CSMD2: variants seen among roughly 807,000 people sequenced by gnomAD.
CSMD2 encodes the protein CUB and Sushi multiple domains 2, also known as CUB and sushi domain-containing protein 2.
CSMD2 carries 130 observed loss-of-function variants against 398.5 expected under a neutral mutation model. The ratio of observed to expected loss-of-function variants is 0.33; its 90% CI spans 0.28 to 0.38. CSMD2 has a LOEUF of 0.38. Ranked by LOEUF, CSMD2 falls within the 10% of genes least tolerant of loss-of-function variation. The probability of loss-of-function intolerance (pLI) is 1.00; values close to 1 mark genes in which losing one functional copy is unlikely to be tolerated. For synonymous variants in CSMD2, 1,828 were observed against 1,908.5 expected, an observed-to-expected ratio of 0.96 and a Z score of 1.10; for missense variants, 3,829 against 4,764.9, an observed-to-expected ratio of 0.80 and a Z score of 5.78.
intron 27 of CSMD2, among the ~76,000 whole-genome samples, chr1:33,655,742 C>T (rs1256402157): frequency 6.6e-6 from 1 of 152,226 alleles, no homozygotes; most frequent in Non-Finnish European, 1.5e-5. Flanking sequence ...GCCCAGGGAG[C>T]TGGAAATCAG....
At chr1:34,132,836 G>C (rs1663504278) in intron 1 of CSMD2, among the ~76,000 whole-genome samples, 1 of 152,170 alleles carries the variant, frequency 6.6e-6, no homozygotes, top group African/African-American at 2.4e-5. Context: ...GACTCAGACT[G>C]AATTACACCA....
At chr1:33,984,812 A>G (rs1373627319) in intron 3 of CSMD2, among the ~76,000 whole-genome samples, 5 of 149,670 alleles carry the variant, frequency 3.3e-5, no homozygotes, top group African/African-American at 1.2e-4. Flanking sequence ...GGAAAGGGAG[A>G]AGGGAGGGAG....
chr1:33,985,985 C>A (rs1482837119), intron 3 of CSMD2, among the ~76,000 whole-genome samples: 1 of 152,102 alleles, frequency 6.6e-6, no homozygotes, highest in African/African-American at 2.4e-5. Flanking sequence ...TCAGTTAGCA[C>A]CCTGGATGGA....
In CSMD2 at chr1:33,572,513, CTG is replaced by C. The variant is rs1659688571; in HGVS notation, c.7753_7754del (p.Gln2585ValfsTer8). 6.2e-7 allele frequency: 1 copy of C among 1,600,792 alleles called. No homozygotes were observed. Among genetic ancestry groups the C allele is most frequent in the Non-Finnish European group, 8.5e-7 (1 of 1,171,134 alleles). ...GLWSNRNVPP[Q>X]CVPVTCPDVS... ...CATTGCCCGAGGACTCACGGACACA[CTG>C]TGGTGGGACATTGCGGTTGCTCCAT... On this transcript the variant is annotated frameshift_variant, in exon 50 of 71. Coordinates refer to ENST00000373381, the MANE Select transcript of CSMD2 (RefSeq NM_001281956.2). LOFTEE classifies it high-confidence loss of function.
Position 33,796,343 on chromosome 1 carries a change from G to T in CSMD2, c.1447-3817C>A, listed in dbSNP as rs138006378. Among the ~76,000 whole-genome samples, 268 of 152,312 alleles carry T rather than the reference G, an allele frequency of 1.8e-3. 1 individual carries two copies. The highest frequency in any genetic ancestry group is 4.8e-3 in the South Asian group (23 of 4,826). ...GAATGGAGGGACCAGCTGGAGCTGT[G>T]GCAGAGGAGCATAAATTGTGAAGAT... On this transcript the variant is annotated intron_variant, in intron 10 of 70. Transcript: ENST00000373381.
intron 27 of CSMD2, among the ~76,000 whole-genome samples, chr1:33,655,758 T>C (rs977314631): frequency 1.3e-5 from 2 of 152,220 alleles, no homozygotes. Context: ...ATCAGAAGCA[T>C]GTCACTGGGA....
In CSMD2 at chr1:33,636,625, T is replaced by C; in HGVS notation, c.4775-71A>G. On this transcript the variant is annotated intron_variant, in intron 29 of 70. Coordinates refer to ENST00000373381, the MANE Select transcript of CSMD2 (RefSeq NM_001281956.2). This position sits in a 1 kb window ranked among gnomAD's most constrained non-coding sequence, Gnocchi z 4.8. ...TGAGGAGGCTATTCTTGGGCTCCAG[T>C]GCCCATGAGGAGAACCCGACTTTAA... 1 of 1,348,382 alleles carries C rather than the reference T, an allele frequency of 7.4e-7. No individual in the cohort carries two copies. The highest frequency in any genetic ancestry group is 1.3e-5 in the South Asian group (1 of 78,688). 83.5% of individuals were successfully genotyped at this position (1,348,382 alleles called of 1,614,324 possible).
rs138242807 is a variant in CSMD2 at position 33,518,937 on chromosome 1, G to A, written c.*53+528C>T. ...TCTTGATATGGGGTATATGTATTGC[G>A]TTTATAGTGTATGAATGTATATATA... On this transcript the variant is annotated intron_variant, in intron 70 of 70. Transcript: ENST00000373381. The surrounding 1 kb of genome is among the most constrained non-coding windows in gnomAD (Gnocchi z 4.3). Among the ~76,000 whole-genome samples, 2,230 of 152,080 alleles carry A rather than the reference G, an allele frequency of 0.015. 31 individuals carry two copies. Among genetic ancestry groups the A allele is most frequent in the Middle Eastern group, 0.034 (10 of 294 alleles).
Position 33,537,683 on chromosome 1 carries a change from CT to C in CSMD2, c.9632-75del, listed in dbSNP as rs1420950184. The C allele has an allele frequency of 6.9e-7, 1 of 1,458,724 alleles. No individual in the cohort carries two copies. The highest frequency in any genetic ancestry group is 9.2e-7 in the Non-Finnish European group (1 of 1,081,106). 90.4% of individuals were successfully genotyped at this position (1,458,724 alleles called of 1,614,324 possible). A position where few individuals can be genotyped will look rare whatever the true frequency, so the allele number is the denominator to read the frequency against. ...CAATCTTCCAGTCCCACACCCCCATCTTTGTTCTTTGCACTGCTCCCTTCCT... is the reference window on the plus strand; with the variant it reads ...CAATCTTCCAGTCCCACACCCCCATCTTGTTCTTTGCACTGCTCCCTTCCT... On this transcript the variant is annotated intron_variant, in intron 60 of 70. Coordinates refer to ENST00000373381, the MANE Select transcript of CSMD2 (RefSeq NM_001281956.2). This position sits in a 1 kb window ranked among gnomAD's most constrained non-coding sequence, Gnocchi z 4.6.
intron 55 of CSMD2, among the ~76,000 whole-genome samples, chr1:33,554,628 A>G (rs1330983074): frequency 1.3e-5 from 2 of 152,120 alleles, no homozygotes; most frequent in Non-Finnish European, 2.9e-5. Flanking sequence ...GCCAATGCTC[A>G]TTTACCCATT....
chr1:33,747,368 T>G (rs995542485), intron 13 of CSMD2, among the ~76,000 whole-genome samples: 11 of 152,226 alleles, frequency 7.2e-5, no homozygotes, highest in Non-Finnish European at 1.6e-4. Flanking sequence ...AAGAGTAAAG[T>G]TGGAGCAAGG....
chr1:33,524,776 G>A (rs1293226737), intron 66 of CSMD2, 106 bp downstream of exon 66: 17 of 1,161,176 alleles, frequency 1.5e-5, no homozygotes, highest in Middle Eastern at 5.7e-4. Context: ...CACCAGACAA[G>A]TCTGAGCCTT....
intron 5 of CSMD2, among the ~76,000 whole-genome samples, chr1:33,907,785 T>C (rs1449181781): frequency 6.6e-6 from 1 of 151,964 alleles, no homozygotes; most frequent in Non-Finnish European, 1.5e-5. Context: ...CTCTGGTGAG[T>C]CTGTGGATGT....
intron 2 of CSMD2, among the ~76,000 whole-genome samples, chr1:34,076,924 A>AT (rs1181112693): frequency 3.8e-5 from 4 of 105,176 alleles, no homozygotes; most frequent in South Asian, 3.4e-4. Flanking sequence ...AAAAAAAAAA[A>AT]AAAAATATAT....
intron 10 of CSMD2, among the ~76,000 whole-genome samples, chr1:33,797,308 G>T (rs1017787341): frequency 3.9e-5 from 6 of 152,324 alleles, no homozygotes; most frequent in African/African-American, 9.6e-5. Flanking sequence ...AGGCCCAGCT[G>T]TAAAATTCCT....
intron 43 of CSMD2, 49 bp from the exon 44 acceptor site, chr1:33,601,059 C>T: frequency 1.2e-6 from 2 of 1,609,416 alleles, no homozygotes; most frequent in South Asian, 1.1e-5. Flanking sequence ...ACCATGGCTG[C>T]CTGCTCCACT....
chr1:33,868,093 G>T (rs1051288396), intron 5 of CSMD2, among the ~76,000 whole-genome samples: 1 of 152,144 alleles, frequency 6.6e-6, no homozygotes, highest in Non-Finnish European at 1.5e-5. Flanking sequence ...GGAAGGAGGA[G>T]GAGAAGTTGG....
chr1:33,696,979 T>C (rs1403526676), intron 24 of CSMD2, among the ~76,000 whole-genome samples: 1 of 152,172 alleles, frequency 6.6e-6, no homozygotes, highest in Admixed American at 6.5e-5. Flanking sequence ...AATATGCACA[T>C]AATCTCAAAT....
chr1:33,659,961 A>G (rs1644078506), intron 26 of CSMD2, among the ~76,000 whole-genome samples: 3 of 152,382 alleles, frequency 2.0e-5, no homozygotes, highest in East Asian at 3.9e-4. Context: ...ATATGCATCA[A>G]TCTTTTTCCT....
Sources: gnomAD v4.1 joint callset for allele counts (sites outside exome capture counted in the v4.1 genomes callset) on GRCh38, gnomAD v4.1.1 for gene constraint, Gnocchi (gnomAD v3.1) non-coding constraint, MANE v1.5 for transcripts, NCBI Gene and HGNC (gene_info 2026-07-23, HGNC 2026-07-21) for gene names.